RNF213: variants seen among roughly 807,000 people sequenced by gnomAD.
RNF213 encodes E3 ubiquitin-protein ligase RNF213.
RNF213 carries 341 observed loss-of-function variants against 514.4 expected under a neutral mutation model. The observed-to-expected ratio is 0.66, with a 90% CI of 0.61 to 0.73. The LOEUF (loss-of-function observed/expected upper bound fraction) is 0.73. Among genes scored for constraint, RNF213 ranks in the 30% least tolerant of loss-of-function variants. The probability of loss-of-function intolerance (pLI) is 0.00; values close to 1 mark genes in which losing one functional copy is unlikely to be tolerated. For missense variants in RNF213, 5,767 were observed against 6,615.6 expected, an observed-to-expected ratio of 0.87 and a Z score of 4.45; for synonymous variants, 2,655 against 2,658.2, an observed-to-expected ratio of 1.00 and a Z score of 0.04.
chr17:80,362,363 T>G (rs2079088179), intron 39 of RNF213, among the ~76,000 whole-genome samples: 1 of 152,132 alleles, frequency 6.6e-6, no homozygotes, highest in Non-Finnish European at 1.5e-5. Context: ...TAGGAATCAA[T>G]AAGAAAATAC....
Position 80,364,435 on chromosome 17 carries a change from C to G in RNF213, c.11753C>G (p.Ala3918Gly). ...TGAGTGGCGCCCTCTTTTGACAGAG[C>G]CCAGTGGAGTCGGATTTTCTCCACC... Reference protein sequence around the residue: ...LAQAVIREVRAQWSRIFSTAL... With the variant: ...LAQAVIREVRGQWSRIFSTAL... The change falls in exon 42 of 68, where the codon GCC becomes GGC. Residue 3918 changes from alanine (A) to glycine (G), a missense_variant and splice_region_variant. By Grantham distance (60) the Ala-to-Gly change is moderately conservative (BLOSUM62 0). Around this residue, in one of 13 missense-constraint regions of RNF213, gnomAD observed 355 missense variants for 358.0 expected, o/e 0.99. Coordinates refer to ENST00000582970, the MANE Select transcript of RNF213 (RefSeq NM_001256071.3). The G allele has an allele frequency of 6.2e-7, 1 of 1,614,170 alleles. No homozygotes were observed. The highest frequency in any genetic ancestry group is 8.5e-7 in the Non-Finnish European group (1 of 1,180,022).
chr17:80,293,270 C>T (rs1335958610), intron 8 of RNF213, among the ~76,000 whole-genome samples: 1 of 151,712 alleles, frequency 6.6e-6, no homozygotes, highest in African/African-American at 2.4e-5. Context: ...CTGTGTTGCC[C>T]AGTCTGGTCT....
At chr17:80,363,049 C>T (rs768981226) in intron 39 of RNF213, 53 bp from the exon 40 acceptor site, 7 of 1,498,134 alleles carry the variant, frequency 4.7e-6, no homozygotes, top group Non-Finnish European at 6.5e-6. Context: ...ACGGGGAAAA[C>T]ATACCATTTT....
At chr17:80,275,202 G>A (rs1451484154) in intron 3 of RNF213, among the ~76,000 whole-genome samples, 7 of 151,288 alleles carry the variant, frequency 4.6e-5, no homozygotes, top group Non-Finnish European at 7.4e-5. Context: ...GTGTGGGAGT[G>A]GGGTGTGTGT....
intron 17 of RNF213, chr17:80,320,115 C>A: frequency 1.6e-6 from 1 of 607,284 alleles, no homozygotes. Flanking sequence ...GTCATCACCA[C>A]AGTTAATGAC....
intron 21 of RNF213, chr17:80,333,704 A>G: frequency 1.2e-5 from 2 of 171,730 alleles, no homozygotes; most frequent in South Asian, 2.5e-4. Context: ...CAAAAAAAAA[A>G]ACCAAAAAAA....
rs186220836 is a variant in RNF213 at position 80,363,665 on chromosome 17, G to C, written c.11625G>C (p.Leu3875=). 2.5e-5 allele frequency: 41 copies of C among 1,614,138 alleles called. No individual in the cohort carries two copies. The Admixed American group carries it at 5.3e-4, about 21-fold the overall frequency. ...ACTEMLTRNT[L]KPSPQAWLQL... ...CGGAGATGCTGACAAGAAACACCCT[G>C]AAGCCCAGTCCCCAGGCGTGGCTAC... Residue 3875 remains leucine, a synonymous_variant, in exon 41 of 68, where the codon CTG becomes CTC. Coordinates refer to ENST00000582970, the MANE Select transcript of RNF213 (RefSeq NM_001256071.3).
chr17:80,281,838 C>T (rs1041421370), intron 3 of RNF213, among the ~76,000 whole-genome samples: 1 of 152,088 alleles, frequency 6.6e-6, no homozygotes, highest in South Asian at 2.1e-4. Flanking sequence ...CCACAGCATC[C>T]GCCTGTACAC....
Position 80,327,968 on chromosome 17 carries a change from T to A in RNF213, c.3346T>A (p.Phe1116Ile), listed in dbSNP as rs2046321922. 1 of 1,537,236 alleles carries A rather than the reference T, an allele frequency of 6.5e-7. No individual in the cohort carries two copies. Among genetic ancestry groups the A allele is most frequent in the Admixed American group, 2.0e-5 (1 of 51,002 alleles). ...GCTGATTATAAAGCACAAGAATCAGTTTCTTGACATCTGGCAACTGAGTAA... is the reference window on the plus strand; with the variant it reads ...GCTGATTATAAAGCACAAGAATCAGATTCTTGACATCTGGCAACTGAGTAA... The part of the protein sequence containing the change: ...LELIIKHKNQ[F>I]LDIWQLREKS... The change falls in exon 19 of 68, where the codon TTT becomes ATT. Residue 1116 changes from phenylalanine (F) to isoleucine (I), a missense_variant. Phe to Ile is a conservative substitution (Grantham distance 21). Transcript: ENST00000582970.
chr17:80,363,475 T>C, intron 40 of RNF213, 134 bp from the exon 41 acceptor site: 1 of 1,231,672 alleles, frequency 8.1e-7, no homozygotes, highest in Non-Finnish European at 1.2e-6. Context: ...TCGCTGACGC[T>C]TCTCACATCC....
intron 2 of RNF213, among the ~76,000 whole-genome samples, chr17:80,271,983 AAAG>A (rs2043838790): frequency 6.8e-6 from 1 of 145,998 alleles, no homozygotes; most frequent in Non-Finnish European, 1.5e-5. Flanking sequence ...CCGTCTCAAA[AAAG>A]AAGAAAAAAG....
chr17:80,352,845 T>G, intron 32 of RNF213, 95 bp from the exon 33 acceptor site: 2 of 1,577,570 alleles, frequency 1.3e-6, no homozygotes, highest in Non-Finnish European at 1.7e-6. Context: ...CGCAGCAAGA[T>G]AATGACAAGC....
intron 2 of RNF213, among the ~76,000 whole-genome samples, chr17:80,266,166 G>C (rs1176369007): frequency 1.3e-5 from 2 of 151,982 alleles, no homozygotes; most frequent in Non-Finnish European, 2.9e-5. Context: ...ACCTTACTAG[G>C]CGTGGTGGTT....
At chr17:80,282,742 G>C (rs146434253) in intron 3 of RNF213, among the ~76,000 whole-genome samples, 1 of 151,862 alleles carries the variant, frequency 6.6e-6, no homozygotes, top group African/African-American at 2.4e-5. Flanking sequence ...TGTCTCCCAG[G>C]CTGGAGTGCA....
Position 80,390,033 on chromosome 17 carries a change from T to C in RNF213, c.15307T>C (p.Ser5103Pro). ...LHKEPFGEIS[S>P]RYKADLSPEN... ...TTAGGAGCCATTTGGGGAAATCAGT[T>C]CAAGGTACAAAGCGGATCTGAGCCC... Residue 5103 changes from serine to proline, a missense_variant, in exon 67 of 68, where the codon TCA (serine) becomes CCA (proline). Ser to Pro is a moderately conservative substitution (Grantham distance 74, BLOSUM62 -1). Transcript: ENST00000582970. The C allele has an allele frequency of 6.2e-7, 1 of 1,614,214 alleles. No homozygotes were observed. The highest frequency in any genetic ancestry group is 8.5e-7 in the Non-Finnish European group (1 of 1,180,040).
chr17:80,278,726 C>T, intron 3 of RNF213: 1 of 1,535,430 alleles, frequency 6.5e-7, no homozygotes, highest in Non-Finnish European at 8.7e-7. Flanking sequence ...GTGGGGTGCA[C>T]AGCCCTGCCC....
intron 5 of RNF213, among the ~76,000 whole-genome samples, chr17:80,289,115 C>G (rs2044585136): frequency 6.6e-6 from 1 of 152,152 alleles, no homozygotes; most frequent in Non-Finnish European, 1.5e-5. Context: ...GGGCCTGTTC[C>G]CAGAGCGGCA....
chr17:80,348,345 C>A (rs1430857623), intron 29 of RNF213, 59 bp downstream of exon 29: 1 of 1,596,560 alleles, frequency 6.3e-7, no homozygotes, highest in Non-Finnish European at 8.5e-7. Context: ...CTAAATCCCT[C>A]GTGTCAGGAT....
chr17:80,374,431 C>T, intron 49 of RNF213, 27 bp from the exon 50 acceptor site: 3 of 1,613,882 alleles, frequency 1.9e-6, no homozygotes, highest in South Asian at 1.1e-5. Context: ...TCCCATTGTT[C>T]ACCCCCAACT....
Sources: allele counts gnomAD v4.1 joint callset (sites outside exome capture counted in the v4.1 genomes callset), GRCh38; gene constraint gnomAD v4.1.1; regional missense constraint gnomAD v4.1.1; transcripts MANE v1.5; gene names NCBI Gene and HGNC (gene_info 2026-07-23, HGNC 2026-07-21).